Variants in FAXC observed in about 807,000 individuals in gnomAD.
The protein encoded by FAXC is failed axon connections homolog.
Under a neutral mutation model 41.9 loss-of-function variants are expected in FAXC, and 10 were observed. The ratio of observed to expected loss-of-function variants is 0.24; its 90% CI spans 0.15 to 0.41. The LOEUF (loss-of-function observed/expected upper bound fraction) is 0.41, where lower values mean the gene tolerates loss of function less well. FAXC is among the 10% of genes least tolerant of loss of function. FAXC has a pLI of 1.00. For missense variants in FAXC, 399 were observed against 510.9 expected (o/e 0.78, Z 2.11); for synonymous variants, 183 against 183.8 (o/e 1.00, Z 0.03).
chr6:99,345,454 A>C (rs1773558245), intron 1 of FAXC, among the ~76,000 whole-genome samples: 1 of 152,254 alleles, frequency 6.6e-6, no homozygotes, highest in African/African-American at 2.4e-5. Flanking sequence ...GAACGCAGAC[A>C]GTCTGGCACC....
intron 4 of FAXC, among the ~76,000 whole-genome samples, chr6:99,310,981 T>C (rs1772132581): frequency 6.6e-6 from 1 of 152,106 alleles, no homozygotes; most frequent in Non-Finnish European, 1.5e-5. Context: ...AAACAGCCTA[T>C]CCCAAAGCTT....
At chr6:99,290,101 CCACACACA>C (rs34319104) in intron 5 of FAXC, among the ~76,000 whole-genome samples, 62 of 142,476 alleles carry the variant, frequency 4.4e-4, no homozygotes, top group African/African-American at 1.0e-3. Flanking sequence ...CCCTACCCCA[CCACACACA>C]CACACACACA....
intron 4 of FAXC, among the ~76,000 whole-genome samples, chr6:99,302,738 C>G (rs1329410204): frequency 1.3e-5 from 2 of 152,162 alleles, no homozygotes; most frequent in African/African-American, 4.8e-5. Context: ...AGAGGCCATA[C>G]AGCAGGAGGT....
Position 99,323,462 on chromosome 6 carries a change from A to C in FAXC, c.805T>G (p.Ser269Ala), listed in dbSNP as rs772529372. The C allele has an allele frequency of 6.2e-7, 1 of 1,614,208 alleles. No individual in the cohort carries two copies. The highest frequency in any genetic ancestry group is 8.5e-7 in the Non-Finnish European group (1 of 1,180,012). The stretch of plus-strand genomic sequence containing the variant: ...ACATTACCCAAAAGCCCTGCTAAAG[A>C]CCGCATGTCCTTCTCCATCAGCATG... ...IYMLMEKDMR[S>A]LAGLLGDKKY... is the part of the protein sequence containing the mutation. Residue 269 changes from serine to alanine, a missense_variant, in exon 4 of 6, where the codon TCT (serine) becomes GCT (alanine). Coordinates refer to ENST00000389677, the MANE Select transcript of FAXC (RefSeq NM_032511.4).
At chr6:99,284,598 T>TGTGTGAGA (rs34495212) in intron 5 of FAXC, among the ~76,000 whole-genome samples, 1 of 142,856 alleles carries the variant, frequency 7.0e-6, no homozygotes, top group Non-Finnish European at 1.5e-5. Context: ...TGTGTGTGTG[T>TGTGTGAGA]GATAAGCCTG....
chr6:99,337,998 G>A (rs1353084587), intron 2 of FAXC, among the ~76,000 whole-genome samples: 3 of 152,084 alleles, frequency 2.0e-5, no homozygotes, highest in Admixed American at 1.3e-4. Context: ...TTTCTCTACT[G>A]ATCAATCCAA....
rs748805535 is a variant in FAXC at position 99,291,776 on chromosome 6, C to T, written c.868G>A (p.Ala290Thr). Reference protein sequence around the residue: ...IMGPKLSTLDATVFGHLAQAM... With the variant: ...IMGPKLSTLDTTVFGHLAQAM... The stretch of plus-strand genomic sequence containing the variant: ...TGTGCCAAGTGTCCAAAGACAGTGG[C>T]GTCAAGAGTGGAAAGCTTGGGCCCC... Residue 290 changes from alanine to threonine, a missense_variant, in exon 5 of 6, where the codon GCC (alanine) becomes ACC (threonine). Transcript: ENST00000389677. 1.9e-6 allele frequency: 3 copies of T among 1,614,100 alleles called. No homozygotes were observed. Among genetic ancestry groups the T allele is most frequent in the South Asian group, 1.1e-5 (1 of 91,072 alleles).
Position 99,349,505 on chromosome 6 carries a change from G to C in FAXC, c.-133C>G. 10 of 571,364 alleles carry C rather than the reference G, an allele frequency of 1.8e-5. No individual in the cohort carries two copies. The highest frequency in any genetic ancestry group is 2.2e-5 in the Non-Finnish European group (10 of 453,900). The allele number at this position is 571,364 out of a possible 1,614,324, so 35.4% of individuals were successfully genotyped here. On this transcript the variant is annotated 5_prime_UTR_variant, in exon 1 of 6. Transcript: ENST00000389677. ...CGCGGGCGGCGGCGACTGAGGAGGC[G>C]GCGGCGACTGAGGAGGCGGCGGCAG...
chr6:99,318,539 T>C (rs1772463540), intron 4 of FAXC, among the ~76,000 whole-genome samples: 1 of 152,170 alleles, frequency 6.6e-6, no homozygotes, highest in Non-Finnish European at 1.5e-5. Flanking sequence ...ATTTCTACAA[T>C]AAATTCTAAA....
At chr6:99,325,509 C>T (rs1026361326) in intron 3 of FAXC, among the ~76,000 whole-genome samples, 48 of 152,224 alleles carry the variant, frequency 3.2e-4, no homozygotes, top group African/African-American at 1.1e-3. Context: ...GGAAGAAGTA[C>T]ATCACAATAG....
intron 1 of FAXC, 114 bp from the exon 2 acceptor site, chr6:99,343,147 G>T: frequency 1.1e-6 from 1 of 909,310 alleles, no homozygotes; most frequent in Non-Finnish European, 1.6e-6. Flanking sequence ...AAGCAGATCT[G>T]TTTGTCACAG....
intron 4 of FAXC, among the ~76,000 whole-genome samples, chr6:99,319,871 C>T (rs913397491): frequency 2.6e-5 from 4 of 152,108 alleles, no homozygotes; most frequent in African/African-American, 7.2e-5. Flanking sequence ...TTGTATCCTT[C>T]GTAAACTTAC....
At position 99,275,939 on chromosome 6, in the gene FAXC, T is replaced by C. The variant is rs1055825590; in HGVS notation, c.*5225A>G. ...TTATATCCAGACCACTGGAAGCAAC[T>C]GAATAAAGGTCAAGCACTTCACAAT... is the stretch of plus-strand genomic sequence containing the variant. On this transcript the variant is annotated 3_prime_UTR_variant, in exon 6 of 6. Coordinates refer to ENST00000389677, the MANE Select transcript of FAXC (RefSeq NM_032511.4). 1 of 152,082 alleles carries C rather than the reference T, an allele frequency of 6.6e-6. No homozygotes were observed. The highest frequency in any genetic ancestry group is 1.5e-5 in the Non-Finnish European group (1 of 68,020). 9.4% of individuals were successfully genotyped at this position (152,082 alleles called of 1,614,324 possible).
chr6:99,323,706 G>C, intron 3 of FAXC, 39 bp from the exon 4 acceptor site: 1 of 1,497,618 alleles, frequency 6.7e-7, no homozygotes, highest in Non-Finnish European at 9.3e-7. Context: ...TGTGCATCAG[G>C]TACATATCAG....
chr6:99,283,526 A>G (rs1363177399), intron 5 of FAXC, among the ~76,000 whole-genome samples: 1 of 152,020 alleles, frequency 6.6e-6, no homozygotes, highest in Non-Finnish European at 1.5e-5. Flanking sequence ...TAACAGCTCA[A>G]CCCCCACTAT....
At chr6:99,318,260 A>AACAC (rs71021723) in intron 4 of FAXC, among the ~76,000 whole-genome samples, 4,291 of 64,530 alleles carry the variant, frequency 0.066, 142 homozygotes, top group Admixed American at 0.11. Flanking sequence ...CTCCGTCTCA[A>AACAC]ACACACACAC....
chr6:99,334,648 T>C, intron 2 of FAXC: 12 of 962,058 alleles, frequency 1.2e-5, no homozygotes, highest in Non-Finnish European at 1.5e-5. Context: ...ATGCCATCCA[T>C]ATCCTCTTAA....
Position 99,342,198 on chromosome 6 carries a change from A to C in FAXC, c.402+700T>G, listed in dbSNP as rs557725494. Among the ~76,000 whole-genome samples the C allele has an allele frequency of 4.6e-5, 7 of 152,346 alleles. No individual in the cohort carries two copies. In the East Asian group the frequency reaches 1.3e-3, roughly 29 times the overall value. The stretch of plus-strand genomic sequence containing the variant: ...TACACAAATATCTACCTCGTGGCCT[A>C]CTGGGCCTTCTGCCCCCAAGATTCA... On this transcript the variant is annotated intron_variant, in intron 2 of 5. Coordinates refer to ENST00000389677, the MANE Select transcript of FAXC (RefSeq NM_032511.4).
At chr6:99,318,263 ACACACACACACACACAC>A (rs1772445734) in intron 4 of FAXC, among the ~76,000 whole-genome samples, 40 of 124,564 alleles carry the variant, frequency 3.2e-4, no homozygotes, top group Non-Finnish European at 4.4e-4. Context: ...CGTCTCAAAC[ACACACACACACACACAC>A]ACACACACAC....
Sources: allele counts gnomAD v4.1 joint callset (sites outside exome capture counted in the v4.1 genomes callset), GRCh38; gene constraint gnomAD v4.1.1; transcripts MANE v1.5; gene names NCBI Gene and HGNC (gene_info 2026-07-23, HGNC 2026-07-21).